Variants in ZDHHC17 observed in about 807,000 individuals in gnomAD.
ZDHHC17 encodes the protein palmitoyltransferase ZDHHC17.
Under a neutral mutation model 90.3 loss-of-function variants are expected in ZDHHC17, and 40 were observed. The observed-to-expected ratio is 0.44, with a 90% CI of 0.34 to 0.58. The LOEUF (loss-of-function observed/expected upper bound fraction) is 0.58, where lower values mean the gene tolerates loss of function less well. Ranked by LOEUF, ZDHHC17 falls within the 20% of genes least tolerant of loss-of-function variation. ZDHHC17 has a pLI of 0.01. For missense variants in ZDHHC17, 614 were observed against 780.8 expected (o/e 0.79, Z 2.55); for synonymous variants, 235 against 252.4 (o/e 0.93, Z 0.65).
intron 2 of ZDHHC17, among the ~76,000 whole-genome samples, chr12:76,798,841 C>T (rs761755871): frequency 2.0e-5 from 3 of 152,124 alleles, no homozygotes; most frequent in Non-Finnish European, 4.4e-5. Context: ...CATGAGAACT[C>T]TATGACAAGA....
chr12:76,817,436 G>A (rs763144904), intron 7 of ZDHHC17, among the ~76,000 whole-genome samples: 3 of 144,874 alleles, frequency 2.1e-5, no homozygotes, highest in Non-Finnish European at 4.5e-5. Flanking sequence ...GAAAAAACAG[G>A]ATTAATTTTA....
In ZDHHC17 at chr12:76,851,096, A is replaced by G. The variant is rs1032990658; in HGVS notation, c.*111A>G. 5 of 1,352,914 alleles carry G rather than the reference A, an allele frequency of 3.7e-6. No homozygotes were observed. The highest frequency in any genetic ancestry group is 5.1e-6 in the Non-Finnish European group (5 of 985,738). 83.8% of individuals were successfully genotyped at this position (1,352,914 alleles called of 1,614,324 possible). ...CTTTGAACAAGAGCATGCTATGTGT[A>G]GGGCTAATGGTGAATTTTACAGTCT... On this transcript the variant is annotated 3_prime_UTR_variant, in exon 17 of 17. Transcript: ENST00000426126.
intron 8 of ZDHHC17, among the ~76,000 whole-genome samples, chr12:76,824,304 T>C (rs992793465): frequency 3.3e-5 from 5 of 152,260 alleles, no homozygotes; most frequent in South Asian, 4.1e-4. Flanking sequence ...CTGTTTTTTT[T>C]CATTAGTAGC....
At chr12:76,850,771 C>T (rs886359619) in intron 16 of ZDHHC17, 76 bp from the exon 17 acceptor site, 25 of 1,521,394 alleles carry the variant, frequency 1.6e-5, no homozygotes, top group African/African-American at 4.2e-5. Context: ...ATATTTAACA[C>T]GAAAATTATA....
At chr12:76,776,950 A>G (rs575004820) in intron 1 of ZDHHC17, among the ~76,000 whole-genome samples, 1 of 152,308 alleles carries the variant, frequency 6.6e-6, no homozygotes, top group East Asian at 1.9e-4. Context: ...GAACTTTTTA[A>G]AATAGTTGTA....
intron 1 of ZDHHC17, among the ~76,000 whole-genome samples, chr12:76,770,277 A>G (rs543834122): frequency 6.6e-6 from 1 of 152,346 alleles, no homozygotes; most frequent in Admixed American, 6.5e-5. Context: ...GAGTGGCTAA[A>G]ATAATTAGTA....
At position 76,797,553 on chromosome 12, in the gene ZDHHC17, T is replaced by TA. The variant is rs773639506; in HGVS notation, c.197+17dup. On this transcript the variant is annotated intron_variant, in intron 2 of 16. Coordinates refer to ENST00000426126, the MANE Select transcript of ZDHHC17 (RefSeq NM_015336.4). ...AGGCTACACAGTAAGGTTTTTGTTG[T>TA]AGTTGTTTTCTTTGGCATGTGTATT... 6 of 1,558,010 alleles carry TA rather than the reference T, an allele frequency of 3.9e-6. No individual in the cohort carries two copies. Among genetic ancestry groups the TA allele is most frequent in the Non-Finnish European group, 5.2e-6 (6 of 1,150,502 alleles).
intron 14 of ZDHHC17, among the ~76,000 whole-genome samples, chr12:76,847,844 C>T (rs1010571184): frequency 1.3e-5 from 2 of 152,008 alleles, no homozygotes; most frequent in South Asian, 2.1e-4. Flanking sequence ...GGTGACAGAG[C>T]GAGACCTTGT....
intron 16 of ZDHHC17, 127 bp from the exon 17 acceptor site, chr12:76,850,720 C>T: frequency 8.6e-7 from 1 of 1,166,368 alleles, no homozygotes; most frequent in East Asian, 2.4e-5. Context: ...GAATTGGTTC[C>T]TTCTTGCAAG....
At chr12:76,776,114 G>A (rs1952556436) in intron 1 of ZDHHC17, among the ~76,000 whole-genome samples, 3 of 149,390 alleles carry the variant, frequency 2.0e-5, no homozygotes, top group South Asian at 2.1e-4. Context: ...GGTACAGGTG[G>A]AAAAAAAAAA....
At chr12:76,821,191 T>TA in intron 7 of ZDHHC17, 1 of 1,228,802 alleles carries the variant, frequency 8.1e-7, no homozygotes, top group Non-Finnish European at 1.0e-6. Context: ...TTTGGATTAA[T>TA]TAGCTGGTTC....
intron 3 of ZDHHC17, among the ~76,000 whole-genome samples, chr12:76,807,430 C>T (rs1056882497): frequency 6.6e-6 from 1 of 152,100 alleles, no homozygotes; most frequent in Non-Finnish European, 1.5e-5. Flanking sequence ...AACCTAGGAT[C>T]ATTAGTACCT....
intron 15 of ZDHHC17, among the ~76,000 whole-genome samples, chr12:76,848,961 A>G (rs915145004): frequency 6.6e-6 from 1 of 151,638 alleles, no homozygotes; most frequent in Non-Finnish European, 1.5e-5. Flanking sequence ...TCTTCAAATT[A>G]ATTTTTTTAT....
At chr12:76,843,182 T>G (rs116359699) in intron 12 of ZDHHC17, among the ~76,000 whole-genome samples, 2,301 of 152,286 alleles carry the variant, frequency 0.015, 55 homozygotes, top group African/African-American at 0.052. Flanking sequence ...ACTGTACTTT[T>G]GATTCGGAGG....
intron 1 of ZDHHC17, among the ~76,000 whole-genome samples, chr12:76,775,090 A>G (rs1179249273): frequency 6.6e-6 from 1 of 152,210 alleles, no homozygotes; most frequent in African/African-American, 2.4e-5. Context: ...GGCCTCTCAA[A>G]GTGCTGGGAC....
intron 2 of ZDHHC17, among the ~76,000 whole-genome samples, chr12:76,799,835 G>A (rs1952865639): frequency 6.6e-6 from 1 of 152,180 alleles, no homozygotes; most frequent in Non-Finnish European, 1.5e-5. Flanking sequence ...CAAAATGCCT[G>A]GGACCAGAAG....
intron 1 of ZDHHC17, among the ~76,000 whole-genome samples, chr12:76,794,626 A>G (rs1022721286): frequency 2.0e-5 from 3 of 152,146 alleles, no homozygotes; most frequent in African/African-American, 7.2e-5. Context: ...AATAAAAACA[A>G]CCTTATCGGA....
intron 6 of ZDHHC17, 21 bp from the exon 7 acceptor site, chr12:76,815,833 GTTT>G (rs77238734): frequency 1.3e-4 from 151 of 1,140,140 alleles, no homozygotes; most frequent in South Asian, 4.5e-4. Flanking sequence ...GTTGTTGTTT[GTTT>G]TTTTTTTTTT....
intron 5 of ZDHHC17, among the ~76,000 whole-genome samples, chr12:76,812,544 G>A (rs952790749): frequency 6.6e-6 from 1 of 151,410 alleles, no homozygotes; most frequent in Non-Finnish European, 1.5e-5. Flanking sequence ...CTCTTTTATC[G>A]ACTGTAGTCA....
Sources: gnomAD v4.1 joint callset for allele counts (sites outside exome capture counted in the v4.1 genomes callset) on GRCh38, gnomAD v4.1.1 for gene constraint, MANE v1.5 for transcripts, NCBI Gene and HGNC (gene_info 2026-07-23, HGNC 2026-07-21) for gene names.